The following TRNT1 variants were observed in gnomAD, a reference collection of about 807,000 sequenced individuals.
TRNT1 encodes the protein CCA tRNA nucleotidyltransferase 1, mitochondrial.
Under a neutral mutation model 45.6 loss-of-function variants are expected in TRNT1, and 44 were observed. That is an observed-to-expected ratio of 0.97 (90% confidence interval 0.76 to 1.24). The LOEUF (loss-of-function observed/expected upper bound fraction) is 1.24, where lower values mean the gene tolerates loss of function less well. TRNT1 is among the 50% of genes most tolerant of loss of function. The pLI, the probability that TRNT1 is intolerant of heterozygous loss-of-function variation, is 0.00. For synonymous variants in TRNT1, 201 were observed against 171.4 expected (o/e 1.17, Z -1.35); for missense variants, 633 against 504.4 (o/e 1.25, Z -2.44).
chr3:3,141,103 C>G (rs1312101331), intron 4 of TRNT1, among the ~76,000 whole-genome samples: 1 of 150,594 alleles, frequency 6.6e-6, no homozygotes, highest in African/African-American at 2.5e-5. Flanking sequence ...GAGCCAAAAT[C>G]CCTGGGTTCA....
chr3:3,143,553 G>A (rs979085943), intron 4 of TRNT1, among the ~76,000 whole-genome samples: 2 of 152,122 alleles, frequency 1.3e-5, no homozygotes, highest in African/African-American at 4.8e-5. Flanking sequence ...TGTTTGCATC[G>A]TTGCCGATCT....
downstream of TRNT1, among the ~76,000 whole-genome samples, chr3:3,151,620 C>A (rs551822579): frequency 6.6e-6 from 1 of 152,154 alleles, no homozygotes; most frequent in African/African-American, 2.4e-5. Context: ...CCTAGGTATA[C>A]CATGCCACAT....
downstream of TRNT1, chr3:3,153,353 G>A (rs1706719568): frequency 3.8e-5 from 35 of 928,680 alleles, no homozygotes; most frequent in South Asian, 4.7e-4. Context: ...AAAGTTTATG[G>A]AAAACAGAAA....
downstream of TRNT1, chr3:3,150,249 TAAAG>T (rs1706415882): frequency 6.6e-6 from 1 of 152,556 alleles, no homozygotes; most frequent in African/African-American, 2.4e-5. Flanking sequence ...AACAGGCACA[TAAAG>T]GAAATGACAA....
intron 4 of TRNT1, among the ~76,000 whole-genome samples, chr3:3,141,805 T>C (rs1705671787): frequency 2.0e-5 from 3 of 152,182 alleles, no homozygotes; most frequent in African/African-American, 7.2e-5. Context: ...GCAAGAAGTT[T>C]ATAAGCTAAG....
At chr3:3,152,452 T>C (rs1706635920), downstream of TRNT1, 5 of 1,613,298 alleles carry the variant, frequency 3.1e-6, no homozygotes, top group African/African-American at 1.3e-5. Flanking sequence ...CACCATAATA[T>C]TACCCAGGAA....
chr3:3,139,582 T>G (rs2126021259), intron 3 of TRNT1, among the ~76,000 whole-genome samples: 2 of 152,342 alleles, frequency 1.3e-5, no homozygotes, highest in South Asian at 4.1e-4. Flanking sequence ...CTTCTCTTCA[T>G]TTGAAGTTTT....
chr3:3,129,252 C>G (rs1575035945), intron 2 of TRNT1, 64 bp downstream of exon 2: 2 of 1,367,542 alleles, frequency 1.5e-6, no homozygotes, highest in Non-Finnish European at 2.0e-6. Context: ...AGAGGGTTAA[C>G]TTTTTAAGCC....
At chr3:3,146,948 G>A (rs539805264) in intron 6 of TRNT1, among the ~76,000 whole-genome samples, 2 of 152,278 alleles carry the variant, frequency 1.3e-5, no homozygotes, top group South Asian at 4.1e-4. Context: ...TAATAGGAAA[G>A]CTAAAAGGAT....
chr3:3,145,924 C>T (rs1005456291), intron 5 of TRNT1, among the ~76,000 whole-genome samples: 6 of 151,432 alleles, frequency 4.0e-5, no homozygotes, highest in Admixed American at 2.0e-4. Flanking sequence ...TAAGATTCCG[C>T]GAAATATACT....
Position 3,133,917 on chromosome 3 carries a change from C to T in TRNT1, c.149-3343C>T, listed in dbSNP as rs149885665. On this transcript the variant is annotated intron_variant, in intron 2 of 7. Coordinates refer to ENST00000251607, the MANE Select transcript of TRNT1 (RefSeq NM_182916.3). Reference sequence around the variant, plus strand: ...AAAATTTAAAGCTGTAAAGGGAAGACGTTCATGAAAATTTAATTAAAAGTT... The same window carrying T: ...AAAATTTAAAGCTGTAAAGGGAAGATGTTCATGAAAATTTAATTAAAAGTT... Among the ~76,000 whole-genome samples, 96 of 152,074 alleles carry T rather than the reference C, an allele frequency of 6.3e-4. 1 individual carries two copies. In the East Asian group the frequency reaches 0.017, roughly 27 times the overall value.
intron 1 of TRNT1, 52 bp from the exon 2 acceptor site, chr3:3,128,962 C>T: frequency 1.5e-6 from 2 of 1,346,576 alleles, no homozygotes; most frequent in Non-Finnish European, 2.0e-6. Flanking sequence ...TGTTTTCCTT[C>T]ACTTACCTTC....
intron 4 of TRNT1, among the ~76,000 whole-genome samples, chr3:3,142,969 GGA>G (rs1705749370): frequency 2.6e-5 from 4 of 152,034 alleles, no homozygotes; most frequent in African/African-American, 9.7e-5. Flanking sequence ...TTAACAGCTT[GGA>G]AAGAGTTAAG....
intron 2 of TRNT1, among the ~76,000 whole-genome samples, chr3:3,133,002 G>A (rs1705109634): frequency 6.6e-6 from 1 of 152,132 alleles, no homozygotes; most frequent in African/African-American, 2.4e-5. Context: ...AAAATGTAAT[G>A]TTCTGTATAA....
chr3:3,128,994 C>T lies in TRNT1; in HGVS notation c.-27-20C>T. On this transcript the variant is annotated intron_variant, in intron 1 of 7. Coordinates refer to ENST00000251607, the MANE Select transcript of TRNT1 (RefSeq NM_182916.3). Reference sequence around the variant, plus strand: ...CTTCACTTTTAATTTCATTGGTATGCCTGTGTATTTGCCTTGTAGATGTGT... The same window carrying T: ...CTTCACTTTTAATTTCATTGGTATGTCTGTGTATTTGCCTTGTAGATGTGT... 6.5e-7 allele frequency: 1 copy of T among 1,526,846 alleles called. No individual in the cohort carries two copies. Among genetic ancestry groups the T allele is most frequent in the Non-Finnish European group, 8.9e-7 (1 of 1,126,532 alleles). The allele number at this position is 1,526,846 out of a possible 1,614,324, so 94.6% of individuals were successfully genotyped here.
chr3:3,151,853 GA>G (rs1329867203), downstream of TRNT1, among the ~76,000 whole-genome samples: 1 of 143,904 alleles, frequency 6.9e-6, no homozygotes, highest in Non-Finnish European at 1.5e-5. Flanking sequence ...CAAACTAGAA[GA>G]AAAGCAGGAT....
intron 4 of TRNT1, among the ~76,000 whole-genome samples, chr3:3,141,087 A>C (rs1705620097): frequency 6.6e-6 from 1 of 151,852 alleles, no homozygotes; most frequent in South Asian, 2.1e-4. Flanking sequence ...AAAAGAATAG[A>C]CTCTGGAGCC....
chr3:3,140,464 A>C (rs1705575480), intron 3 of TRNT1, 46 bp from the exon 4 acceptor site: 1 of 1,596,068 alleles, frequency 6.3e-7, no homozygotes, highest in Non-Finnish European at 8.5e-7. Context: ...AGTAGTATGA[A>C]AACCTAATTT....
downstream of TRNT1, among the ~76,000 whole-genome samples, chr3:3,152,213 C>A (rs1438458052): frequency 1.3e-5 from 2 of 150,354 alleles, no homozygotes; most frequent in African/African-American, 2.4e-5. Flanking sequence ...TGCAGTGGCA[C>A]AATCTTGGCT....
Sources: allele counts gnomAD v4.1 joint callset (sites outside exome capture counted in the v4.1 genomes callset), GRCh38; gene constraint gnomAD v4.1.1; transcripts MANE v1.5; gene names NCBI Gene and HGNC (gene_info 2026-07-23, HGNC 2026-07-21).